MRM1: variants seen among roughly 807,000 people sequenced by gnomAD.
The protein encoded by MRM1 is rRNA methyltransferase 1, mitochondrial.
MRM1 carries 24 observed loss-of-function variants against 25.0 expected under a neutral mutation model. That is an observed-to-expected ratio of 0.96 (90% confidence interval 0.69 to 1.35). The LOEUF is 1.35. MRM1 is among the 40% of genes most tolerant of loss of function. The pLI is 0.00. For synonymous variants in MRM1, 188 were observed against 199.2 expected (o/e 0.94, Z 0.47); for missense variants, 431 against 464.1 (o/e 0.93, Z 0.65).
At position 36,601,887 on chromosome 17, in the gene MRM1, A is replaced by G; in HGVS notation, c.77A>G (p.His26Arg). Residue 26 changes from histidine to arginine, a missense_variant, in exon 1 of 5, where the codon CAT (histidine) becomes CGT (arginine). By Grantham distance (29) the His-to-Arg change is conservative. Coordinates refer to ENST00000614766, the MANE Select transcript of MRM1 (RefSeq NM_024864.5). ...VTRHFSHAAR[H>R]GERPGGEELS... ...CGTCATTTCTCCCATGCAGCGCGGC[A>G]TGGGGAGCGGCCTGGTGGGGAGGAG... 6.2e-7 allele frequency: 1 copy of G among 1,610,226 alleles called. No homozygotes were observed. The highest frequency in any genetic ancestry group is 8.5e-7 in the Non-Finnish European group (1 of 1,179,330).
downstream of MRM1, among the ~76,000 whole-genome samples, chr17:36,612,897 TG>T (rs2074985217): frequency 6.6e-6 from 1 of 152,182 alleles, no homozygotes; most frequent in African/African-American, 2.4e-5. Flanking sequence ...GGTGCTGGGT[TG>T]TGCTTCCCAA....
downstream of MRM1, among the ~76,000 whole-genome samples, chr17:36,612,470 C>A (rs923406128): frequency 3.3e-5 from 5 of 152,150 alleles, no homozygotes; most frequent in Non-Finnish European, 7.3e-5. Flanking sequence ...TGGTACCTGG[C>A]GCGGTGCCTA....
the MRM1 span, among the ~76,000 whole-genome samples, chr17:36,617,317 C>T: frequency 1.3e-5 from 2 of 151,758 alleles, no homozygotes; most frequent in South Asian, 2.1e-4. Context: ...CTTTCACCCA[C>T]GGTTGTGCTG....
chr17:36,602,277 C>T lies in MRM1; in HGVS notation c.467C>T (p.Pro156Leu). 6.2e-7 allele frequency: 1 copy of T among 1,602,780 alleles called. No homozygotes were observed. Among genetic ancestry groups the T allele is most frequent in the Non-Finnish European group, 8.5e-7 (1 of 1,172,378 alleles). The change falls in exon 1 of 5, where the codon CCC (proline) becomes CTC (leucine). Residue 156 changes from proline (P) to leucine (L), a missense_variant. Transcript: ENST00000614766. This position sits in a 1 kb window ranked among gnomAD's most constrained non-coding sequence, Gnocchi z 4.1. The part of the protein sequence containing the change: ...LWLVLDGIQD[P>L]RNFGAVLRSA... ...CTCGTCCTCGATGGGATCCAGGATCCCCGGAATTTTGGGGCTGTGCTGCGT... is the reference window on the plus strand; with the variant it reads ...CTCGTCCTCGATGGGATCCAGGATCTCCGGAATTTTGGGGCTGTGCTGCGT...
At chr17:36,627,684 T>G in the MRM1 span, among the ~76,000 whole-genome samples, 3 of 146,544 alleles carry the variant, frequency 2.0e-5, no homozygotes, top group East Asian at 2.0e-4. Flanking sequence ...GTTTTTTTTT[T>G]TTTTTTTTTT....
Position 36,608,426 on chromosome 17 carries a change from C to G in MRM1, c.*11C>G, listed in dbSNP as rs1023580087. The G allele has an allele frequency of 3.3e-6, 5 of 1,516,720 alleles. No individual in the cohort carries two copies. In the African/African-American group the frequency reaches 5.6e-5, roughly 17 times the overall value. The allele number at this position is 1,516,720 out of a possible 1,614,324, so 94.0% of individuals were successfully genotyped here. On this transcript the variant is annotated 3_prime_UTR_variant, in exon 5 of 5. Transcript: ENST00000614766. ...CAAAATGAGGGCTGACGTGGACTGT[C>G]CACAGTGTTCATGTGCTGGAGTCAG...
chr17:36,629,616 C>A, the MRM1 span, among the ~76,000 whole-genome samples: 3 of 151,948 alleles, frequency 2.0e-5, no homozygotes, highest in African/African-American at 4.8e-5. Context: ...GGCTGGGGAC[C>A]AGGAACTCTG....
the MRM1 span, among the ~76,000 whole-genome samples, chr17:36,620,791 T>G: frequency 6.6e-6 from 1 of 152,118 alleles, no homozygotes; most frequent in East Asian, 1.9e-4. Context: ...GTGCAGGAGA[T>G]TCCCTTAAGT....
In MRM1 at chr17:36,601,629, C is replaced by A. The variant is rs148300316; in HGVS notation, c.-182C>A. The A allele has an allele frequency of 3.4e-6, 2 of 593,496 alleles. No homozygotes were observed. Among genetic ancestry groups the A allele is most frequent in the African/African-American group, 1.9e-5 (1 of 52,592 alleles). The allele number at this position is 593,496 out of a possible 1,614,324, so 36.8% of individuals were successfully genotyped here. A position where few individuals can be genotyped will look rare whatever the true frequency, so the allele number is the denominator to read the frequency against. ...ACGTGGGAGCCTGGGAGCGGGTGGT[C>A]GTAGCTCGGTAGTCCAGTTGTGGGT... is the stretch of plus-strand genomic sequence containing the variant. On this transcript the variant is annotated 5_prime_UTR_variant, in exon 1 of 5. Coordinates refer to ENST00000614766, the MANE Select transcript of MRM1 (RefSeq NM_024864.5).
intron 2 of MRM1, among the ~76,000 whole-genome samples, chr17:36,606,690 C>G (rs991797532): frequency 1.3e-5 from 2 of 151,636 alleles, no homozygotes; most frequent in Admixed American, 6.6e-5. Context: ...TCACTGCAAC[C>G]TCCGCCTCCC....
chr17:36,602,330 G>A lies in MRM1; in HGVS notation c.520G>A (p.Val174Ile), dbSNP rs1455523722. ...CGCACACTTCCTCGGAGTGGATAAGGTCATCACCAGCCGGAGAAACAGGCA... is the reference window on the plus strand; with the variant it reads ...CGCACACTTCCTCGGAGTGGATAAGATCATCACCAGCCGGAGAAACAGGCA... ...RSAHFLGVDK[V>I]ITSRRNSCPL... The change falls in exon 1 of 5, where the codon GTC becomes ATC. Residue 174 changes from valine (V) to isoleucine (I), a missense_variant. Coordinates refer to ENST00000614766, the MANE Select transcript of MRM1 (RefSeq NM_024864.5). The surrounding 1 kb of genome is among the most constrained non-coding windows in gnomAD (Gnocchi z 4.1). The A allele has an allele frequency of 1.9e-6, 3 of 1,567,638 alleles. No individual in the cohort carries two copies. Among genetic ancestry groups the A allele is most frequent in the African/African-American group, 2.7e-5 (2 of 73,560 alleles).
rs752672429 is a variant in MRM1, at chr17:36,602,220, C to G, written c.410C>G (p.Ala137Gly). 22 of 1,610,050 alleles carry G rather than the reference C, an allele frequency of 1.4e-5. No individual in the cohort carries two copies. The highest frequency in any genetic ancestry group is 5.3e-5 in the African/African-American group (4 of 74,876). The stretch of plus-strand genomic sequence containing the variant: ...CGGCCTTGGAGAGAGGCCGGGGAGG[C>G]GAGCCCAGGCGACGACCCCCAGCAG... Reference protein sequence around the residue: ...RPRPWREAGEASPGDDPQQLW... With the variant: ...RPRPWREAGEGSPGDDPQQLW... Residue 137 changes from alanine (A) to glycine (G), a missense_variant, in exon 1 of 5, where the codon GCG becomes GGG. By Grantham distance (60) the Ala-to-Gly change is moderately conservative. Coordinates refer to ENST00000614766, the MANE Select transcript of MRM1 (RefSeq NM_024864.5). The surrounding 1 kb of genome is among the most constrained non-coding windows in gnomAD (Gnocchi z 4.1).
Position 36,601,848 on chromosome 17 carries a change from G to C in MRM1, c.38G>C (p.Gly13Ala). Residue 13 changes from glycine to alanine, a missense_variant, in exon 1 of 5, where the codon GGT (glycine) becomes GCT (alanine). Physicochemically the swap from Gly to Ala is moderately conservative, Grantham distance 60. Coordinates refer to ENST00000614766, the MANE Select transcript of MRM1 (RefSeq NM_024864.5). ...LLSTVRGATW[G>A]RLVTRHFSHA... ...TCGACCGTCCGGGGCGCGACCTGGG[G>C]TCGCCTCGTCACCCGTCATTTCTCC... is the stretch of plus-strand genomic sequence containing the variant. 2.5e-6 allele frequency: 4 copies of C among 1,591,956 alleles called. No individual in the cohort carries two copies. Among genetic ancestry groups the C allele is most frequent in the Non-Finnish European group, 3.4e-6 (4 of 1,171,064 alleles).
At chr17:36,608,163 AG>A in intron 4 of MRM1, 79 bp from the exon 5 acceptor site, 2 of 1,517,636 alleles carry the variant, frequency 1.3e-6, no homozygotes, top group Non-Finnish European at 1.8e-6. Context: ...TGATGAGATG[AG>A]GGGCTGCCTG....
chr17:36,625,754 A>G, the MRM1 span, among the ~76,000 whole-genome samples: 1 of 151,736 alleles, frequency 6.6e-6, no homozygotes, highest in Admixed American at 6.6e-5. Context: ...GAGCCACTGC[A>G]CCCGGCCCCT....
At chr17:36,613,671 G>A (rs993773665), downstream of MRM1, among the ~76,000 whole-genome samples, 6 of 152,198 alleles carry the variant, frequency 3.9e-5, no homozygotes, top group African/African-American at 1.4e-4. Context: ...GCAAGGCCAG[G>A]ATCCTACTCA....
At chr17:36,610,088 A>T (rs1209985111), downstream of MRM1, among the ~76,000 whole-genome samples, 1 of 150,528 alleles carries the variant, frequency 6.6e-6, no homozygotes, top group African/African-American at 2.5e-5. Flanking sequence ...ACGCGCAGCT[A>T]ATTTTTATAT....
chr17:36,631,114 T>G, the MRM1 span, among the ~76,000 whole-genome samples: 1 of 152,248 alleles, frequency 6.6e-6, no homozygotes, highest in Non-Finnish European at 1.5e-5. Context: ...CTCCTGCATT[T>G]AACAAACGTG....
the MRM1 span, among the ~76,000 whole-genome samples, chr17:36,625,348 T>TTCTTCC: frequency 2.0e-5 from 3 of 151,916 alleles, no homozygotes; most frequent in African/African-American, 4.8e-5. Context: ...CGCCTTCTTC[T>TTCTTCC]TCTTCCTCTT....
Sources: allele counts gnomAD v4.1 joint callset (sites outside exome capture counted in the v4.1 genomes callset), GRCh38; gene constraint gnomAD v4.1.1; non-coding constraint Gnocchi (gnomAD v3.1); transcripts MANE v1.5; gene names NCBI Gene and HGNC (gene_info 2026-07-23, HGNC 2026-07-21).